Variants in RGS3 observed in about 807,000 individuals in gnomAD.
RGS3 encodes regulator of G-protein signalling 3.
Under a neutral mutation model 132.6 loss-of-function variants are expected in RGS3, and 80 were observed. The observed-to-expected ratio is 0.60, with a 90% CI of 0.50 to 0.73. The LOEUF (loss-of-function observed/expected upper bound fraction) is 0.73. Among genes scored for constraint, RGS3 ranks in the 30% least tolerant of loss-of-function variants. The pLI is 0.00. For synonymous variants in RGS3, 598 were observed against 620.6 expected (o/e 0.96, Z 0.54); for missense variants, 1,382 against 1,530.8 (o/e 0.90, Z 1.62).
At chr9:113,452,671 G>A (rs998047296) in intron 1 of RGS3, among the ~76,000 whole-genome samples, 1 of 151,166 alleles carries the variant, frequency 6.6e-6, no homozygotes, top group South Asian at 2.1e-4. Context: ...AATAATATGT[G>A]TCTATTAGGC....
intron 20 of RGS3, among the ~76,000 whole-genome samples, chr9:113,590,775 A>G (rs984200955): frequency 2.0e-5 from 3 of 152,192 alleles, no homozygotes; most frequent in African/African-American, 7.2e-5. Flanking sequence ...CTAAGATGGT[A>G]GATCCAGTCG....
At chr9:113,510,448 T>C (rs1831356429) in intron 14 of RGS3, among the ~76,000 whole-genome samples, 1 of 152,254 alleles carries the variant, frequency 6.6e-6, no homozygotes. Context: ...GGATGGCAGA[T>C]ACTCAGTAGA....
chr9:113,540,961 G>A (rs1463247126), intron 19 of RGS3, among the ~76,000 whole-genome samples: 1 of 152,198 alleles, frequency 6.6e-6, no homozygotes, highest in Non-Finnish European at 1.5e-5. Flanking sequence ...TCACTGTCAT[G>A]GTTTTAAAGT....
At chr9:113,495,284 A>G (rs1323321958) in intron 7 of RGS3, among the ~76,000 whole-genome samples, 1 of 152,240 alleles carries the variant, frequency 6.6e-6, no homozygotes, top group East Asian at 1.9e-4. Flanking sequence ...TGGCCAGGTC[A>G]GATTGGTCTC....
intron 19 of RGS3, among the ~76,000 whole-genome samples, chr9:113,562,377 T>C (rs1833828814): frequency 6.6e-6 from 1 of 150,686 alleles, no homozygotes; most frequent in Non-Finnish European, 1.5e-5. Context: ...CTAGGGAGGC[T>C]GTGGCATGAG....
chr9:113,509,827 ATCT>A (rs775033280), intron 14 of RGS3, among the ~76,000 whole-genome samples: 23 of 152,090 alleles, frequency 1.5e-4, no homozygotes, highest in Non-Finnish European at 1.9e-4. Context: ...GATGGAAGAC[ATCT>A]TCTTTCTCTC....
At chr9:113,479,690 A>G (rs1452957633) in intron 4 of RGS3, 149 bp downstream of exon 2, 1 of 729,286 alleles carries the variant, frequency 1.4e-6, no homozygotes, top group Non-Finnish European at 2.3e-6. Context: ...AAAAGCCAGT[A>G]TTCACCTGGG....
intron 19 of RGS3, among the ~76,000 whole-genome samples, chr9:113,553,625 T>C (rs1394671134): frequency 6.6e-6 from 1 of 150,930 alleles, no homozygotes; most frequent in Non-Finnish European, 1.5e-5. Flanking sequence ...GCAGATCACC[T>C]GAGGTCAGGA....
chr9:113,594,003 GC>G, intron 21 of RGS3: 3 of 1,613,026 alleles, frequency 1.9e-6, no homozygotes, highest in Non-Finnish European at 1.7e-6. Flanking sequence ...GCAGACACAT[GC>G]CCCTTTCACG....
At position 113,507,530 on chromosome 9, in the gene RGS3, C is replaced by G. The variant is rs146550810; in HGVS notation, c.1329C>G (p.Thr443=). ...TGCTCGGCGGCTGGGAGCGCTACAC[C>G]GAGGTGGCCAAGCGCGGGGGCCAGC... is the stretch of plus-strand genomic sequence containing the variant. The change falls in exon 13 of 25, where the codon ACC becomes ACG. Residue 443 remains threonine (T), a synonymous_variant. Coordinates refer to ENST00000350696, the Ensembl canonical transcript of RGS3. The surrounding 1 kb of genome is among the most constrained non-coding windows in gnomAD (Gnocchi z 5.0). 6.2e-7 allele frequency: 1 copy of G among 1,604,552 alleles called. No individual in the cohort carries two copies. The highest frequency in any genetic ancestry group is 8.5e-7 in the Non-Finnish European group (1 of 1,175,042).
Position 113,455,071 on chromosome 9 carries a change from G to T in RGS3, c.-12-5174G>T, listed in dbSNP as rs76288367. On this transcript the variant is annotated intron_variant, in intron 1 of 25. Transcript: ENST00000374140. ...GGCCTCCCGAACTTCTCAGTTCAGG[G>T]ATTTGGAGTTGGCCTGAGTTCCCTC... Among the ~76,000 whole-genome samples the T allele has an allele frequency of 3.4e-3, 517 of 152,256 alleles. 2 individuals carry two copies. Among genetic ancestry groups the T allele is most frequent in the African/African-American group, 0.012 (484 of 41,552 alleles).
intron 16 of RGS3, 196 bp from the exon 15 acceptor site, chr9:113,522,734 G>T: frequency 1.7e-6 from 1 of 592,798 alleles, no homozygotes; most frequent in South Asian, 2.0e-5. Context: ...GCTGGAGGGT[G>T]ATGGGGCCAT....
At position 113,507,513 on chromosome 9, in the gene RGS3, G is replaced by A. The variant is rs1040170961; in HGVS notation, c.1312G>A (p.Gly438Ser). ...CAGCTCTGATGGGCTGCTGCTCGGC[G>A]GCTGGGAGCGCTACACCGAGGTGGC... The change falls in exon 13 of 25, where the codon GGC (glycine) becomes AGC (serine). Residue 438 changes from glycine (G) to serine (S), a missense_variant. Coordinates refer to ENST00000350696, the Ensembl canonical transcript of RGS3. The surrounding 1 kb of genome is among the most constrained non-coding windows in gnomAD (Gnocchi z 5.0). The A allele has an allele frequency of 9.3e-6, 15 of 1,609,172 alleles. No individual in the cohort carries two copies. Among genetic ancestry groups the A allele is most frequent in the Admixed American group, 8.4e-5 (5 of 59,588 alleles).
intron 3 of RGS3, among the ~76,000 whole-genome samples, chr9:113,472,204 G>A (rs992655095): frequency 3.3e-5 from 5 of 152,194 alleles, no homozygotes; most frequent in African/African-American, 1.2e-4. Context: ...GGAAAAGTTT[G>A]GCGGTTCCTC....
intron 19 of RGS3, among the ~76,000 whole-genome samples, chr9:113,547,380 A>G (rs966081543): frequency 2.0e-5 from 3 of 152,144 alleles, no homozygotes; most frequent in Non-Finnish European, 4.4e-5. Flanking sequence ...CCAAATTATG[A>G]GCACATTACT....
chr9:113,460,455 A>C (rs1829448136), intron 1 of RGS3: 1 of 159,916 alleles, frequency 6.3e-6, no homozygotes, highest in African/African-American at 2.4e-5. Context: ...CAGGAGGTGG[A>C]GCTTTCAGTG....
chr9:113,548,695 G>A (rs954977440), intron 19 of RGS3, among the ~76,000 whole-genome samples: 4 of 152,224 alleles, frequency 2.6e-5, no homozygotes, highest in African/African-American at 7.2e-5. Flanking sequence ...TCATACAGGC[G>A]AGGAGGCCCT....
chr9:113,569,422 C>T (rs894846411), intron 19 of RGS3, among the ~76,000 whole-genome samples: 3 of 152,128 alleles, frequency 2.0e-5, no homozygotes, highest in Admixed American at 1.3e-4. Flanking sequence ...GGTGGCATGG[C>T]TATGCCACCC....
chr9:113,447,329 G>GTGTATATATATATATATATATATATATA (rs1554751009), intron 1 of RGS3, among the ~76,000 whole-genome samples: 3 of 27,556 alleles, frequency 1.1e-4, no homozygotes, highest in African/African-American at 2.9e-4. Flanking sequence ...GTATGTATAT[G>GTGTATATATATATATATATATATATATA]TATATATATA....
Sources: gnomAD v4.1 joint callset for allele counts (sites outside exome capture counted in the v4.1 genomes callset) on GRCh38, gnomAD v4.1.1 for gene constraint, Gnocchi (gnomAD v3.1) non-coding constraint, MANE v1.5 for transcripts, NCBI Gene and HGNC (gene_info 2026-07-23, HGNC 2026-07-21) for gene names.